The following PTPRN2 variants were observed in gnomAD, a reference collection of about 807,000 sequenced individuals.
PTPRN2 encodes the protein protein tyrosine phosphatase receptor type N2.
In PTPRN2, 74 loss-of-function variants were observed where a neutral mutation model predicts 118.8. That is an observed-to-expected ratio of 0.62 (90% CI 0.52 to 0.76). The LOEUF (loss-of-function observed/expected upper bound fraction) is 0.76. Ranked by LOEUF, PTPRN2 falls within the 30% of genes least tolerant of loss-of-function variation. PTPRN2 has a pLI of 0.00. For missense variants in PTPRN2, 1,481 were observed against 1,394.4 expected, an observed-to-expected ratio of 1.06 and a Z score of -0.99; for synonymous variants, 641 against 608.0, an observed-to-expected ratio of 1.05 and a Z score of -0.80.
intron 2 of PTPRN2, among the ~76,000 whole-genome samples, chr7:158,331,150 C>A (rs1804333109): frequency 6.9e-6 from 1 of 145,202 alleles, no homozygotes; most frequent in African/African-American, 2.6e-5. Context: ...CCGCAGACGT[C>A]ACTCACACCC....
rs994788815 is a variant in PTPRN2, at chr7:158,563,602, A to T, written c.112+23956T>A. 1.3e-5 allele frequency among the ~76,000 whole-genome samples: 2 copies of T among 152,226 alleles called. No individual in the cohort carries two copies. The highest frequency in any genetic ancestry group is 4.8e-5 in the African/African-American group (2 of 41,464). The stretch of plus-strand genomic sequence containing the variant: ...CCCCGATGGGAGTGTTGGATGAAGA[A>T]TCCTGCAGCTCTCGCCGGGGACATC... On this transcript the variant is annotated intron_variant, in intron 1 of 22. Transcript: ENST00000389418. The surrounding 1 kb of genome is among the most constrained non-coding windows in gnomAD (Gnocchi z 5.1).
At chr7:157,822,711 C>G (rs1484838893) in intron 12 of PTPRN2, among the ~76,000 whole-genome samples, 1 of 152,086 alleles carries the variant, frequency 6.6e-6, no homozygotes, top group African/African-American at 2.4e-5. Context: ...ACTCTTCTAT[C>G]CACCCATCCA....
At chr7:157,753,025 T>C (rs55711224) in intron 12 of PTPRN2, among the ~76,000 whole-genome samples, 22,646 of 152,236 alleles carry the variant, frequency 0.15, 2,655 homozygotes, top group African/African-American at 0.33. Context: ...ATTTCTGTGG[T>C]GTGGCTGTTC....
intron 12 of PTPRN2, among the ~76,000 whole-genome samples, chr7:157,829,249 C>T (rs1173631627): frequency 6.6e-6 from 1 of 152,210 alleles, no homozygotes; most frequent in Non-Finnish European, 1.5e-5. Flanking sequence ...AACAAAAAGG[C>T]AAGGGTCCCG....
intron 21 of PTPRN2, among the ~76,000 whole-genome samples, chr7:157,562,960 G>A (rs1799276818): frequency 8.9e-6 from 1 of 111,756 alleles, no homozygotes; most frequent in African/African-American, 3.7e-5. Flanking sequence ...AGCAGATCAG[G>A]ACCACGTGCT....
At chr7:157,898,778 A>AGGTCCTCAGTCT in intron 11 of PTPRN2, 41 bp from the exon 12 acceptor site, 2 of 1,521,872 alleles carry the variant, frequency 1.3e-6, no homozygotes, top group Non-Finnish European at 1.8e-6. Context: ...CAGGTTGGAG[A>AGGTCCTCAGTCT]GGTCCTCAGT....
At chr7:157,818,328 A>C (rs1205603666) in intron 12 of PTPRN2, among the ~76,000 whole-genome samples, 1 of 152,172 alleles carries the variant, frequency 6.6e-6, no homozygotes, top group South Asian at 2.1e-4. Flanking sequence ...GTCTAGCAGC[A>C]GAGAAACAGA....
rs1799746607 is a variant in PTPRN2, at chr7:157,729,021, GGTCGGTCGTT to G, written c.1789-46094_1789-46085del. Among the ~76,000 whole-genome samples the G allele has an allele frequency of 6.6e-6, 1 of 152,214 alleles. No individual in the cohort carries two copies. The highest frequency in any genetic ancestry group is 2.1e-4 in the South Asian group (1 of 4,828). On this transcript the variant is annotated intron_variant, in intron 12 of 22. Transcript: ENST00000389418. The surrounding 1 kb of genome is among the most constrained non-coding windows in gnomAD (Gnocchi z 4.3). ...GGCTCACGTGATCCAGTCACACAGA[GGTCGGTCGTT>G]GTCTGGACACAGACAATGGGAATCT...
At chr7:158,361,969 T>TC (rs148734401) in intron 2 of PTPRN2, among the ~76,000 whole-genome samples, 1 of 152,058 alleles carries the variant, frequency 6.6e-6, no homozygotes, top group Non-Finnish European at 1.5e-5. Flanking sequence ...TCTCCTCCCT[T>TC]CGTTTCTTGG....
At chr7:157,856,648 C>A (rs1359720987) in intron 12 of PTPRN2, among the ~76,000 whole-genome samples, 2 of 152,166 alleles carry the variant, frequency 1.3e-5, no homozygotes, top group Admixed American at 6.5e-5. Context: ...GATAAAGTGA[C>A]AAAATACATT....
At chr7:158,115,198 C>T (rs1050402969) in intron 9 of PTPRN2, among the ~76,000 whole-genome samples, 1 of 152,114 alleles carries the variant, frequency 6.6e-6, no homozygotes, top group African/African-American at 2.4e-5. Flanking sequence ...ACAACAACAA[C>T]AACAAAAGTT....
intron 11 of PTPRN2, among the ~76,000 whole-genome samples, chr7:157,940,790 C>A (rs1342760122): frequency 2.0e-5 from 2 of 101,444 alleles, no homozygotes; most frequent in Admixed American, 1.0e-4. Context: ...AAATCAAACA[C>A]CCTCCCCCAT....
At chr7:157,841,569 A>G (rs1808422297) in intron 12 of PTPRN2, among the ~76,000 whole-genome samples, 1 of 152,220 alleles carries the variant, frequency 6.6e-6, no homozygotes, top group Non-Finnish European at 1.5e-5. Flanking sequence ...CTGCCCATTA[A>G]GGGCCAGTAA....
chr7:158,271,300 T>C (rs960526629), intron 3 of PTPRN2, among the ~76,000 whole-genome samples: 3 of 152,230 alleles, frequency 2.0e-5, no homozygotes, highest in African/African-American at 7.2e-5. Context: ...TTGATGCACA[T>C]ATATCCTCTC....
At chr7:158,149,156 C>G (rs1397006301) in intron 6 of PTPRN2, among the ~76,000 whole-genome samples, 3 of 150,436 alleles carry the variant, frequency 2.0e-5, no homozygotes, top group Non-Finnish European at 3.0e-5. Context: ...CTTTCCCCCT[C>G]AGTGACACCC....
At chr7:158,578,923 C>T (rs989633761) in intron 1 of PTPRN2, among the ~76,000 whole-genome samples, 4 of 152,076 alleles carry the variant, frequency 2.6e-5, no homozygotes, top group African/African-American at 9.7e-5. Context: ...CCACTACAAC[C>T]AGCTAATTTT....
chr7:158,314,057 G>C (rs1802091073), intron 3 of PTPRN2, among the ~76,000 whole-genome samples: 1 of 152,154 alleles, frequency 6.6e-6, no homozygotes, highest in Non-Finnish European at 1.5e-5. Flanking sequence ...AGGGAGCTCA[G>C]GTGAACTCCG....
chr7:157,768,245 A>G (rs1056366542), intron 12 of PTPRN2, among the ~76,000 whole-genome samples: 11 of 152,360 alleles, frequency 7.2e-5, no homozygotes, highest in Admixed American at 1.3e-4. Context: ...CAGGAGATGC[A>G]GAGAGAGTGA....
chr7:158,465,246 T>A (rs1017973289), intron 2 of PTPRN2, among the ~76,000 whole-genome samples: 6 of 152,204 alleles, frequency 3.9e-5, no homozygotes, highest in Non-Finnish European at 8.8e-5. Flanking sequence ...CCTATCAAGA[T>A]CCATCATGAT....
Sources: allele counts gnomAD v4.1 joint callset (sites outside exome capture counted in the v4.1 genomes callset), GRCh38; gene constraint gnomAD v4.1.1; non-coding constraint Gnocchi (gnomAD v3.1); transcripts MANE v1.5; gene names NCBI Gene and HGNC (gene_info 2026-07-23, HGNC 2026-07-21).